Variants in IGSF21 observed in about 807,000 individuals in gnomAD.
IGSF21 encodes the protein immunoglobin superfamily member 21, also known as immunoglobulin superfamily member 21.
IGSF21 carries 28 observed loss-of-function variants against 46.8 expected under a neutral mutation model. The observed-to-expected ratio is 0.60, with a 90% CI of 0.44 to 0.82. IGSF21 has a LOEUF of 0.82. IGSF21 is among the 40% of genes least tolerant of loss of function. The probability of loss-of-function intolerance (pLI) is 0.00; values close to 1 mark genes in which losing one functional copy is unlikely to be tolerated. For synonymous variants in IGSF21, 284 were observed against 273.6 expected, an observed-to-expected ratio of 1.04 and a Z score of -0.38; for missense variants, 624 against 665.5, an observed-to-expected ratio of 0.94 and a Z score of 0.69.
intron 3 of IGSF21, among the ~76,000 whole-genome samples, chr1:18,310,356 T>C (rs900088635): frequency 6.6e-6 from 1 of 152,146 alleles, no homozygotes; most frequent in African/African-American, 2.4e-5. Flanking sequence ...CTTAGACTAG[T>C]TTTTCCTTAA....
chr1:18,266,114 T>G (rs1395157810), intron 2 of IGSF21, among the ~76,000 whole-genome samples: 1 of 152,204 alleles, frequency 6.6e-6, no homozygotes, highest in South Asian at 2.1e-4. Flanking sequence ...TAATATTGAT[T>G]GATCACTTTC....
At chr1:18,324,792 T>C (rs971052901) in intron 3 of IGSF21, among the ~76,000 whole-genome samples, 1 of 152,160 alleles carries the variant, frequency 6.6e-6, no homozygotes, top group Non-Finnish European at 1.5e-5. Flanking sequence ...GTGTCCCTAC[T>C]GTGTCCCTGG....
intron 1 of IGSF21, among the ~76,000 whole-genome samples, chr1:18,172,577 CAG>C (rs140226104): frequency 7.3e-5 from 11 of 150,774 alleles, no homozygotes; most frequent in Admixed American, 2.0e-4. Flanking sequence ...GTTGCATGTG[CAG>C]AGAGAGAGAG....
At chr1:18,235,726 C>T (rs978478527) in intron 2 of IGSF21, among the ~76,000 whole-genome samples, 7 of 152,166 alleles carry the variant, frequency 4.6e-5, no homozygotes, top group Non-Finnish European at 7.3e-5. Context: ...ATTCTAAGGG[C>T]ACCAGGAAGC....
intron 1 of IGSF21, among the ~76,000 whole-genome samples, chr1:18,136,222 G>C (rs1303664467): frequency 6.6e-6 from 1 of 152,148 alleles, no homozygotes; most frequent in Non-Finnish European, 1.5e-5. Flanking sequence ...TGTTCACTCT[G>C]ATGGTGGTTT....
At chr1:18,157,672 T>C (rs917351195) in intron 1 of IGSF21, among the ~76,000 whole-genome samples, 3 of 152,162 alleles carry the variant, frequency 2.0e-5, no homozygotes, top group Non-Finnish European at 4.4e-5. Context: ...CTGCAGCCAC[T>C]AATGGGATGC....
At chr1:18,266,665 C>T (rs1451410299) in intron 2 of IGSF21, among the ~76,000 whole-genome samples, 1 of 152,244 alleles carries the variant, frequency 6.6e-6, no homozygotes, top group East Asian at 1.9e-4. Context: ...TGCATTGTCA[C>T]CTCCCTGTTG....
Position 18,236,324 on chromosome 1 carries a change from T to C in IGSF21, c.183+8314T>C, listed in dbSNP as rs536601297. Among the ~76,000 whole-genome samples the C allele has an allele frequency of 5.9e-4, 90 of 152,330 alleles. No homozygotes were observed. In the South Asian group the frequency reaches 0.018, roughly 31 times the overall value. ...CCTGCCACCATGTAAGATGTGACTT[T>C]GATTCTCATTTGCCTTCCACCATGA... On this transcript the variant is annotated intron_variant, in intron 2 of 9. Transcript: ENST00000251296.
chr1:18,189,337 G>A (rs1206436282), intron 1 of IGSF21, among the ~76,000 whole-genome samples: 3 of 152,160 alleles, frequency 2.0e-5, no homozygotes, highest in South Asian at 2.1e-4. Context: ...CATGTGAGCT[G>A]GACATTGTGC....
intron 3 of IGSF21, among the ~76,000 whole-genome samples, chr1:18,302,607 A>C (rs2085373153): frequency 6.6e-6 from 1 of 151,848 alleles, no homozygotes; most frequent in Non-Finnish European, 1.5e-5. Context: ...TCCTGTGCAC[A>C]CAGGCTTGCA....
At chr1:18,169,973 C>T (rs1377603971) in intron 1 of IGSF21, among the ~76,000 whole-genome samples, 5 of 152,098 alleles carry the variant, frequency 3.3e-5, no homozygotes, top group Non-Finnish European at 5.9e-5. Flanking sequence ...GCGGTGCCAA[C>T]AAGGTATGGC....
intron 3 of IGSF21, among the ~76,000 whole-genome samples, chr1:18,321,083 CA>C (rs1355169646): frequency 6.6e-6 from 1 of 152,220 alleles, no homozygotes; most frequent in African/African-American, 2.4e-5. Context: ...ATCGTTTTGT[CA>C]AACTGTGGTG....
intron 2 of IGSF21, among the ~76,000 whole-genome samples, chr1:18,275,343 C>T (rs1352545710): frequency 6.6e-6 from 1 of 152,144 alleles, no homozygotes; most frequent in Admixed American, 6.5e-5. Flanking sequence ...AAAGACCAGC[C>T]TCGGATCTAC....
intron 1 of IGSF21, among the ~76,000 whole-genome samples, chr1:18,163,529 GCT>G (rs1307214099): frequency 2.0e-5 from 3 of 152,184 alleles, no homozygotes; most frequent in Non-Finnish European, 4.4e-5. Flanking sequence ...GATCCCCAAG[GCT>G]CTGGACAAGG....
chr1:18,133,697 G>A (rs137938748), intron 1 of IGSF21, among the ~76,000 whole-genome samples: 7 of 152,276 alleles, frequency 4.6e-5, no homozygotes, highest in African/African-American at 1.4e-4. Context: ...CTTTCCTCCC[G>A]TGACCCCTGC....
At chr1:18,234,091 A>T (rs1338474717) in intron 2 of IGSF21, among the ~76,000 whole-genome samples, 1 of 152,184 alleles carries the variant, frequency 6.6e-6, no homozygotes, top group African/African-American at 2.4e-5. Context: ...ATGGGTCTAG[A>T]CAACCCCTTT....
intron 2 of IGSF21, among the ~76,000 whole-genome samples, chr1:18,271,102 CAG>C (rs1252336930): frequency 2.6e-5 from 4 of 152,114 alleles, no homozygotes; most frequent in Admixed American, 2.6e-4. Flanking sequence ...CAGCTGCTCG[CAG>C]AGCTATGGGC....
intron 1 of IGSF21, among the ~76,000 whole-genome samples, chr1:18,143,133 G>A (rs1013570645): frequency 6.6e-6 from 1 of 152,222 alleles, no homozygotes; most frequent in South Asian, 2.1e-4. Flanking sequence ...TCCCGCAGAT[G>A]AGTGGGCATC....
At chr1:18,329,474 T>C (rs2085691455) in intron 3 of IGSF21, among the ~76,000 whole-genome samples, 1 of 152,148 alleles carries the variant, frequency 6.6e-6, no homozygotes, top group African/African-American at 2.4e-5. Context: ...ACTAACCTCA[T>C]TCATACAGGT....
Sources: allele counts gnomAD v4.1 joint callset (sites outside exome capture counted in the v4.1 genomes callset), GRCh38; gene constraint gnomAD v4.1.1; transcripts MANE v1.5; gene names NCBI Gene and HGNC (gene_info 2026-07-23, HGNC 2026-07-21).